Variants in GLI4 observed in about 807,000 individuals in gnomAD.
GLI4 encodes GLI family zinc finger 4.
A neutral mutation model predicts 30.9 loss-of-function variants in GLI4; 34 were observed. That is an observed-to-expected ratio of 1.10 (90% CI 0.84 to 1.47). The LOEUF is 1.47. GLI4 is among the 40% of genes most tolerant of loss of function. The pLI is 0.00. For missense variants in GLI4, 696 were observed against 538.9 expected (o/e 1.29, Z -2.89); for synonymous variants, 277 against 236.7 (o/e 1.17, Z -1.56).
chr8:143,270,353 C>T (rs529597799), intron 2 of GLI4, among the ~76,000 whole-genome samples: 18 of 152,234 alleles, frequency 1.2e-4, no homozygotes, highest in Non-Finnish European at 2.2e-4. Flanking sequence ...GTCCGGGGGG[C>T]TCCCCCAAGG....
rs550786510 is a variant in GLI4, at chr8:143,269,366, G to T, written c.-31G>T. The T allele has an allele frequency of 6.8e-6, 11 of 1,606,670 alleles. No homozygotes were observed. In the South Asian group the frequency reaches 1.2e-4, roughly 18 times the overall value. On this transcript the variant is annotated 5_prime_UTR_variant, in exon 2 of 4. The change creates a new upstream start codon in the 5' untranslated region. Transcript: ENST00000340042. ...TGGTTTTCATTTTCCCCAGGTCCCA[G>T]GTGTGACACCTTCAGCAGGTCTCAG...
At chr8:143,267,847 C>A in intron 1 of GLI4, 2 of 985,372 alleles carry the variant, frequency 2.0e-6, no homozygotes, top group Non-Finnish European at 2.4e-6. Context: ...AGCGCCGCAC[C>A]GCCGGGCGGA....
chr8:143,274,272 C>G (rs4487796), intron 2 of GLI4, among the ~76,000 whole-genome samples: 71,245 of 151,780 alleles, frequency 0.47, 17,411 homozygotes, highest in East Asian at 0.66. Flanking sequence ...GGGGCCAAGG[C>G]AGGAAGGCTT....
chr8:143,276,265 C>T lies in GLI4; in HGVS notation c.592C>T (p.Leu198Phe). Residue 198 changes from leucine (L) to phenylalanine (F), a missense_variant, in exon 4 of 4, where the codon CTC becomes TTC. Physicochemically the swap from Leu to Phe is conservative, Grantham distance 22. Transcript: ENST00000340042. ...CAAGAGTTTCAAGTATAACTCGCTG[C>T]TCCTGAAGCACCAGCGCATCCACAC... Reference protein sequence around the residue: ...CGKSFKYNSLLLKHQRIHTGE... With the variant: ...CGKSFKYNSLFLKHQRIHTGE... The T allele has an allele frequency of 6.2e-7, 1 of 1,612,206 alleles. No individual in the cohort carries two copies. The highest frequency in any genetic ancestry group is 1.6e-4 in the Middle Eastern group (1 of 6,062).
In GLI4 at chr8:143,276,705, C is replaced by G. The variant is rs148293241; in HGVS notation, c.1032C>G (p.Thr344=). ...CGCACTTCTTCCGGCACCTGCGGAC[C>G]CACACGGGCGAGAAGCCCTTCGCGT... The part of the protein sequence containing the change: ...GRSHFFRHLR[T]HTGEKPFACG... The change falls in exon 4 of 4, where the codon ACC becomes ACG. Residue 344 remains threonine (T), a synonymous_variant. Transcript: ENST00000340042. 2.0e-4 allele frequency: 323 copies of G among 1,611,080 alleles called. 1 individual carries two copies. The highest frequency in any genetic ancestry group is 2.5e-4 in the Non-Finnish European group (300 of 1,179,284).
chr8:143,274,954 G>T (rs1183178824), intron 3 of GLI4, 152 bp downstream of exon 3: 1 of 1,478,358 alleles, frequency 6.8e-7, no homozygotes, highest in Admixed American at 2.1e-5. Context: ...CTGCCCCGTG[G>T]CCCCTCCCCC....
At chr8:143,275,362 G>T in intron 3 of GLI4, 2 of 1,409,040 alleles carry the variant, frequency 1.4e-6, no homozygotes, top group African/African-American at 1.4e-5. Flanking sequence ...GGTGTCTGAG[G>T]TCAGGTCCCT....
chr8:143,275,347 G>C, intron 3 of GLI4: 1 of 1,417,130 alleles, frequency 7.1e-7, no homozygotes. Flanking sequence ...CTGGGGTGGG[G>C]AGCAGGTGTC....
chr8:143,270,711 G>A (rs1316779790), intron 2 of GLI4, among the ~76,000 whole-genome samples: 2 of 152,200 alleles, frequency 1.3e-5, no homozygotes, highest in Non-Finnish European at 2.9e-5. Flanking sequence ...GTTACCAGTG[G>A]GGACACAGAA....
chr8:143,269,967 ATGT>A (rs915435404), intron 2 of GLI4, among the ~76,000 whole-genome samples: 2 of 152,152 alleles, frequency 1.3e-5, no homozygotes, highest in African/African-American at 2.4e-5. Context: ...TCCACCCCTG[ATGT>A]TGTGGCCTCA....
At chr8:143,275,443 C>T (rs1212078091) in intron 3 of GLI4, 2 of 1,365,342 alleles carry the variant, frequency 1.5e-6, no homozygotes, top group African/African-American at 1.5e-5. Context: ...GGCGGCAGCA[C>T]ACTTGCCACC....
chr8:143,274,363 T>G (rs1008480014), intron 2 of GLI4: 1 of 192,508 alleles, frequency 5.2e-6, no homozygotes, highest in Admixed American at 5.7e-5. Flanking sequence ...TGCTGGGGCA[T>G]GGAGGAGGGT....
At chr8:143,272,899 A>G (rs1234922778) in intron 2 of GLI4, among the ~76,000 whole-genome samples, 3 of 152,080 alleles carry the variant, frequency 2.0e-5, no homozygotes, top group Non-Finnish European at 4.4e-5. Flanking sequence ...GACGGTGCAC[A>G]CCACCTGGCG....
In GLI4 at chr8:143,276,785, G is replaced by C. The variant is rs760750785; in HGVS notation, c.1112G>C (p.Arg371Pro). The change falls in exon 4 of 4, where the codon CGG (arginine) becomes CCG (proline). Residue 371 changes from arginine to proline, a missense_variant. By Grantham distance (103) the Arg-to-Pro change is moderately radical (BLOSUM62 -2). Transcript: ENST00000340042. ...AGCTCCCAGCTCATCCAGCACCAGC[G>C]GGTGCACTACCGCGAGTAGCCGGGC... The part of the protein sequence containing the change: ...GQSSQLIQHQ[R>P]VHYRE 2.5e-6 allele frequency: 4 copies of C among 1,584,836 alleles called. No individual in the cohort carries two copies. The highest frequency in any genetic ancestry group is 1.7e-4 in the Middle Eastern group (1 of 5,988).
chr8:143,276,885 G>C lies in GLI4; in HGVS notation c.*81G>C. The C allele has an allele frequency of 2.4e-6, 2 of 834,696 alleles. No individual in the cohort carries two copies. Among genetic ancestry groups the C allele is most frequent in the South Asian group, 3.5e-5 (2 of 56,358 alleles). 51.7% of individuals were successfully genotyped at this position (834,696 alleles called of 1,614,324 possible). The stretch of plus-strand genomic sequence containing the variant: ...CGTCCCCCACGGTGGGCACTGCCCA[G>C]CACCGCATGCCACGTGTCCGGAATA... On this transcript the variant is annotated 3_prime_UTR_variant, in exon 4 of 4. Coordinates refer to ENST00000340042, the MANE Select transcript of GLI4 (RefSeq NM_138465.4).
In GLI4 at chr8:143,276,910, AAATT is replaced by A. The variant is rs1281869441; in HGVS notation, c.*107_*110del. ...GCACCGCATGCCACGTGTCCGGAAT[AAATT>A]CTTTTTGATTGTTGGAAGTGGGAGC... is the stretch of plus-strand genomic sequence containing the variant. On this transcript the variant is annotated 3_prime_UTR_variant, in exon 4 of 4. Coordinates refer to ENST00000340042, the MANE Select transcript of GLI4 (RefSeq NM_138465.4). 2.7e-6 allele frequency: 2 copies of A among 754,356 alleles called. No homozygotes were observed. Among genetic ancestry groups the A allele is most frequent in the African/African-American group, 1.8e-5 (1 of 56,662 alleles). 46.7% of individuals were successfully genotyped at this position (754,356 alleles called of 1,614,324 possible).
At position 143,276,816 on chromosome 8, in the gene GLI4, C is replaced by T; in HGVS notation, c.*12C>T. On this transcript the variant is annotated 3_prime_UTR_variant, in exon 4 of 4. Transcript: ENST00000340042. ...ACTACCGCGAGTAGCCGGGCGGGGG[C>T]TCGGGGCTCGGCCTCCTACCTGCCC... 2 of 1,506,532 alleles carry T rather than the reference C, an allele frequency of 1.3e-6. No individual in the cohort carries two copies. Among genetic ancestry groups the T allele is most frequent in the African/African-American group, 2.7e-5 (2 of 72,834 alleles). The allele number at this position is 1,506,532 out of a possible 1,614,324, so 93.3% of individuals were successfully genotyped here.
In GLI4 at chr8:143,275,957, G is replaced by C. The variant is rs957422015; in HGVS notation, c.284G>C (p.Gly95Ala). ...CCTGGCTCTCAGGCCCCTGACGAGG[G>C]GGCGGGCGGGGCGCTGCGCAGCCTC... ...RSPGSQAPDE[G>A]AGGALRSLLR... The change falls in exon 4 of 4, where the codon GGG (glycine) becomes GCG (alanine). Residue 95 changes from glycine to alanine, a missense_variant. Physicochemically the swap from Gly to Ala is moderately conservative, Grantham distance 60. Transcript: ENST00000340042. 7.5e-6 allele frequency: 10 copies of C among 1,329,246 alleles called. No individual in the cohort carries two copies. Among genetic ancestry groups the C allele is most frequent in the Non-Finnish European group, 9.6e-6 (10 of 1,040,862 alleles). The allele number at this position is 1,329,246 out of a possible 1,614,324, so 82.3% of individuals were successfully genotyped here.
At position 143,276,639 on chromosome 8, in the gene GLI4, C is replaced by T. The variant is rs748754521; in HGVS notation, c.966C>T (p.Pro322=). 5 of 1,612,474 alleles carry T rather than the reference C, an allele frequency of 3.1e-6. 1 individual carries two copies. The South Asian group carries it at 4.4e-5, about 14-fold the overall frequency. ...AGCGCATCCACACTGGCGAGAAGCC[C>T]TACGAGTGCTCCGACTGCGGCAAAG... ...EHQRIHTGEK[P]YECSDCGKAF... The change falls in exon 4 of 4, where the codon CCC becomes CCT. Residue 322 remains proline (P), a synonymous_variant. Coordinates refer to ENST00000340042, the MANE Select transcript of GLI4 (RefSeq NM_138465.4).
Sources: allele counts gnomAD v4.1 joint callset (sites outside exome capture counted in the v4.1 genomes callset), GRCh38; gene constraint gnomAD v4.1.1; transcripts MANE v1.5; gene names NCBI Gene and HGNC (gene_info 2026-07-23, HGNC 2026-07-21).